The following AMPH variants were observed in gnomAD, a reference collection of about 807,000 sequenced individuals.
The protein encoded by AMPH is amphiphysin, also known as amphiphysin (Stiff-Mann syndrome with breast cancer 128kD autoantigen).
In AMPH, 49 loss-of-function variants were observed where a neutral mutation model predicts 99.1. The ratio of observed to expected loss-of-function variants is 0.49; its 90% confidence interval spans 0.39 to 0.63. The LOEUF is 0.63. AMPH is among the 20% of genes least tolerant of loss of function. The pLI, the probability that AMPH is intolerant of heterozygous loss-of-function variation, is 0.00. For synonymous variants in AMPH, 314 were observed against 317.3 expected (o/e 0.99, Z 0.11); for missense variants, 759 against 863.4 (o/e 0.88, Z 1.52).
At chr7:38,418,049 A>G in intron 16 of AMPH, 99 bp from the exon 17 acceptor site, 2 of 1,341,590 alleles carry the variant, frequency 1.5e-6, no homozygotes, top group Non-Finnish European at 2.0e-6. Flanking sequence ...TTGTCATCCC[A>G]TAGGCAACTA....
rs115285727 is a variant in AMPH, at chr7:38,548,872, C to T, written c.70-13861G>A. Among the ~76,000 whole-genome samples, 584 of 150,562 alleles carry T rather than the reference C, an allele frequency of 3.9e-3. 5 individuals are homozygous for T. Among genetic ancestry groups the T allele is most frequent in the African/African-American group, 0.013 (557 of 41,364 alleles). On this transcript the variant is annotated intron_variant, in intron 1 of 20. Coordinates refer to ENST00000356264, the MANE Select transcript of AMPH (RefSeq NM_001635.4). Reference sequence around the variant, plus strand: ...TGCCTCACCCTAATCTTTTATTACGCAGTTGAGTTGTCTACGTGGCCAGTG... The same window carrying T: ...TGCCTCACCCTAATCTTTTATTACGTAGTTGAGTTGTCTACGTGGCCAGTG...
At chr7:38,576,741 A>T (rs1792260735) in intron 1 of AMPH, among the ~76,000 whole-genome samples, 1 of 152,214 alleles carries the variant, frequency 6.6e-6, no homozygotes, top group African/African-American at 2.4e-5. Flanking sequence ...GAGAGATCTC[A>T]CTTAAGTCTT....
intron 2 of AMPH, among the ~76,000 whole-genome samples, chr7:38,522,076 G>A (rs540126287): frequency 6.6e-6 from 1 of 152,212 alleles, no homozygotes; most frequent in South Asian, 2.1e-4. Context: ...CACTGCATGA[G>A]GTGGAGAAAA....
chr7:38,391,903 G>C lies in AMPH; in HGVS notation c.1723C>G (p.Pro575Ala). The C allele has an allele frequency of 6.2e-7, 1 of 1,612,826 alleles. No homozygotes were observed. Among genetic ancestry groups the C allele is most frequent in the Non-Finnish European group, 8.5e-7 (1 of 1,179,854 alleles). Reference sequence around the variant, plus strand: ...TCCGGTGTCTCGCTGGTGGGGCCCGGAGGAGCCGCGTCCTCGGTGGTCTCC... The same window carrying C: ...TCCGGTGTCTCGCTGGTGGGGCCCGCAGGAGCCGCGTCCTCGGTGGTCTCC... The part of the protein sequence containing the change: ...PKETTEDAAP[P>A]GPTSETPELA... Residue 575 changes from proline (P) to alanine (A), a missense_variant, in exon 19 of 21, where the codon CCG becomes GCG. By Grantham distance (27) the Pro-to-Ala change is conservative (BLOSUM62 -1). This residue lies in a region of AMPH where 554 missense variants were observed against 575.6 expected (regional missense o/e 0.96). Transcript: ENST00000356264.
intron 1 of AMPH, among the ~76,000 whole-genome samples, chr7:38,575,980 T>C (rs976723393): frequency 1.3e-5 from 2 of 152,196 alleles, no homozygotes; most frequent in African/African-American, 4.8e-5. Flanking sequence ...AGTTTTTATT[T>C]AGCTTCTGTA....
At chr7:38,628,419 T>C (rs1794333553) in intron 1 of AMPH, among the ~76,000 whole-genome samples, 1 of 152,192 alleles carries the variant, frequency 6.6e-6, no homozygotes, top group Non-Finnish European at 1.5e-5. Context: ...AAGGAGATAA[T>C]TAAAGAGGTG....
At chr7:38,432,750 A>G (rs562572956) in intron 12 of AMPH, among the ~76,000 whole-genome samples, 5 of 152,344 alleles carry the variant, frequency 3.3e-5, no homozygotes, top group African/African-American at 4.8e-5. Context: ...TAGGATGACC[A>G]GCTTAATGGT....
chr7:38,462,989 G>A lies in AMPH; in HGVS notation c.874C>T (p.Arg292Trp), dbSNP rs151055033. 16 of 1,581,762 alleles carry A rather than the reference G, an allele frequency of 1.0e-5. No individual in the cohort carries two copies. Among genetic ancestry groups the A allele is most frequent in the African/African-American group, 4.0e-5 (3 of 74,092 alleles). Reference sequence around the variant, plus strand: ...CCTCTTCCTACCTGTGAAGGTGACCGAGGCCGTGCTGGTGCGGGAGACGCA... The same window carrying A: ...CCTCTTCCTACCTGTGAAGGTGACCAAGGCCGTGCTGGTGCGGGAGACGCA... ...APASPAPARP[R>W]SPSQTRKGPP... Residue 292 changes from arginine (R) to tryptophan (W), a missense_variant, in exon 10 of 21, where the codon CGG becomes TGG. Physicochemically the swap from Arg to Trp is moderately radical, Grantham distance 101 (BLOSUM62 -3). Around this residue, in one of 2 missense-constraint regions of AMPH, gnomAD observed 554 missense variants for 575.6 expected, o/e 0.96. Coordinates refer to ENST00000356264, the MANE Select transcript of AMPH (RefSeq NM_001635.4).
At chr7:38,427,961 A>C in intron 14 of AMPH, 1 of 456,752 alleles carries the variant, frequency 2.2e-6, no homozygotes, top group South Asian at 1.5e-5. Context: ...TCTCAGTGCT[A>C]GCATTCCAGG....
At chr7:38,393,706 C>T (rs141237116) in intron 18 of AMPH, among the ~76,000 whole-genome samples, 61 of 152,334 alleles carry the variant, frequency 4.0e-4, no homozygotes, top group Non-Finnish European at 5.3e-4. Context: ...CCATTCTCAT[C>T]CTTTTCACTG....
At chr7:38,399,625 G>T (rs550580809) in intron 17 of AMPH, among the ~76,000 whole-genome samples, 1 of 152,258 alleles carries the variant, frequency 6.6e-6, no homozygotes, top group East Asian at 1.9e-4. Context: ...CATTTTCTAT[G>T]CTCTGCTTGC....
chr7:38,502,744 G>C (rs1789186160), intron 3 of AMPH, among the ~76,000 whole-genome samples: 2 of 152,270 alleles, frequency 1.3e-5, no homozygotes, highest in African/African-American at 2.4e-5. Context: ...CCTGTGTCTT[G>C]TTTGCTGACT....
At chr7:38,437,213 CA>C (rs1214340865) in intron 11 of AMPH, among the ~76,000 whole-genome samples, 1 of 152,098 alleles carries the variant, frequency 6.6e-6, no homozygotes, top group Non-Finnish European at 1.5e-5. Context: ...CAGCATAACC[CA>C]GGCTCAAGTT....
chr7:38,627,134 A>G (rs551360413), intron 1 of AMPH, among the ~76,000 whole-genome samples: 4 of 152,144 alleles, frequency 2.6e-5, no homozygotes, highest in Admixed American at 6.5e-5. Flanking sequence ...CTCAGGCCCA[A>G]TTCAACCAGT....
chr7:38,551,498 T>C (rs1791181586), intron 1 of AMPH, among the ~76,000 whole-genome samples: 1 of 152,196 alleles, frequency 6.6e-6, no homozygotes. Flanking sequence ...CACCTCCTAT[T>C]AGGAGTCCCC....
At chr7:38,517,511 G>A (rs868545355) in intron 2 of AMPH, among the ~76,000 whole-genome samples, 1 of 152,146 alleles carries the variant, frequency 6.6e-6, no homozygotes, top group African/African-American at 2.4e-5. Flanking sequence ...TGTTCAGCCT[G>A]AGGAATCATG....
intron 1 of AMPH, among the ~76,000 whole-genome samples, chr7:38,583,937 T>C (rs1394919773): frequency 3.9e-5 from 6 of 152,220 alleles, no homozygotes; most frequent in Non-Finnish European, 8.8e-5. Flanking sequence ...ACTTACTGAG[T>C]TCTGCTCTAT....
chr7:38,609,967 C>T (rs1793568910), intron 1 of AMPH, among the ~76,000 whole-genome samples: 2 of 151,830 alleles, frequency 1.3e-5, no homozygotes. Flanking sequence ...TGGCTCATGC[C>T]TGTAATCCCA....
At chr7:38,553,127 TCC>T (rs1453456992) in intron 1 of AMPH, among the ~76,000 whole-genome samples, 1 of 152,236 alleles carries the variant, frequency 6.6e-6, no homozygotes, top group Non-Finnish European at 1.5e-5. Context: ...TGGAGACCTC[TCC>T]TTTATGACTT....
Sources: gnomAD v4.1 joint callset for allele counts (sites outside exome capture counted in the v4.1 genomes callset) on GRCh38, gnomAD v4.1.1 for gene constraint, gnomAD v4.1.1 regional missense constraint, MANE v1.5 for transcripts, NCBI Gene and HGNC (gene_info 2026-07-23, HGNC 2026-07-21) for gene names.